The following ACAD10 variants were observed in gnomAD, a reference collection of about 807,000 sequenced individuals.
The protein encoded by ACAD10 is ACAD-10.
ACAD10 carries 112 observed loss-of-function variants against 116.8 expected under a neutral mutation model. The ratio of observed to expected loss-of-function variants is 0.96; its 90% CI spans 0.82 to 1.12. ACAD10 has a LOEUF of 1.12. Ranked by LOEUF, ACAD10 falls within the 50% of genes most tolerant of loss-of-function variation. ACAD10 has a pLI of 0.00. For synonymous variants in ACAD10, 486 were observed against 510.6 expected (o/e 0.95, Z 0.65); for missense variants, 1,259 against 1,350.2 (o/e 0.93, Z 1.06).
At chr12:111,706,778 A>AT (rs1189030640) in intron 4 of ACAD10, among the ~76,000 whole-genome samples, 1,923 of 113,378 alleles carry the variant, frequency 0.017, 34 homozygotes, top group East Asian at 0.096. Flanking sequence ...ATATATATAT[A>AT]TATATTTTTT....
chr12:111,696,111 G>A (rs1316463528), intron 2 of ACAD10, among the ~76,000 whole-genome samples: 1 of 151,552 alleles, frequency 6.6e-6, no homozygotes, highest in Non-Finnish European at 1.5e-5. Context: ...TCTTAGGCTG[G>A]AGTGCAGTGG....
Position 111,756,393 on chromosome 12 carries a change from C to T in ACAD10, c.3100C>T (p.Arg1034Ter), listed in dbSNP as rs138539307. The change falls in exon 21 of 21, where the codon CGA becomes TGA. Residue 1034 changes from arginine (R) to a stop codon, truncating the protein, a stop_gained. Transcript: ENST00000313698. LOFTEE classifies it high-confidence loss of function. ...ACTGGCTCAGTTCTTCACCTGGGCC[C>T]GAGCCCTGCGCTTTGCCGACGGCCC... ...YPLAQFFTWA[R>*]ALRFADGPDE... The T allele has an allele frequency of 1.9e-4, 299 of 1,611,924 alleles. 1 individual carries two copies. Among genetic ancestry groups the T allele is most frequent in the Non-Finnish European group, 2.5e-4 (291 of 1,179,700 alleles).
chr12:111,745,952 C>A (rs1889880825), intron 13 of ACAD10, among the ~76,000 whole-genome samples, 192 bp from the exon 14 acceptor site: 1 of 149,868 alleles, frequency 6.7e-6, no homozygotes, highest in Non-Finnish European at 1.5e-5. Flanking sequence ...TGTGATCCTC[C>A]CACTTCAGCC....
At chr12:111,736,007 G>A (rs909551126) in intron 11 of ACAD10, among the ~76,000 whole-genome samples, 1 of 150,290 alleles carries the variant, frequency 6.7e-6, no homozygotes, top group Non-Finnish European at 1.5e-5. Context: ...GGCCTCCTGA[G>A]TAGCTGGGAT....
intron 20 of ACAD10, chr12:111,756,056 T>A: frequency 8.6e-7 from 1 of 1,156,946 alleles, no homozygotes; most frequent in African/African-American, 1.6e-5. Flanking sequence ...CCAGGCTCTT[T>A]CCCATGCAGG....
chr12:111,748,549 T>C, intron 17 of ACAD10, 74 bp downstream of exon 17: 3 of 1,559,868 alleles, frequency 1.9e-6, no homozygotes, highest in East Asian at 2.3e-5. Flanking sequence ...GGGCCCCTGC[T>C]CTTGTTCAGG....
intron 10 of ACAD10, among the ~76,000 whole-genome samples, chr12:111,730,242 CA>C (rs994387149): frequency 2.0e-5 from 3 of 152,114 alleles, no homozygotes; most frequent in Admixed American, 6.6e-5. Flanking sequence ...GTGTGACAAC[CA>C]AAAATCTTCG....
chr12:111,697,416 A>G lies in ACAD10; in HGVS notation c.187+4520A>G, dbSNP rs143655206. Among the ~76,000 whole-genome samples the G allele has an allele frequency of 3.8e-3, 547 of 144,290 alleles. 2 individuals carry two copies. The highest frequency in any genetic ancestry group is 0.013 in the African/African-American group (524 of 38,826). 94.7% of individuals were successfully genotyped at this position (144,290 alleles called of 152,430 possible). On this transcript the variant is annotated intron_variant, in intron 2 of 20. Transcript: ENST00000313698. ...CATTCCATTGCCCAGGCTAAAGTGC[A>G]GTGGCGTGATCTTGGCTCACTGCAA... is the stretch of plus-strand genomic sequence containing the variant.
intron 1 of ACAD10, chr12:111,691,080 G>C (rs997912309): frequency 6.6e-6 from 1 of 152,104 alleles, no homozygotes; most frequent in Non-Finnish European, 1.5e-5. Flanking sequence ...GTCAAAAGAA[G>C]TTACAGTGAT....
chr12:111,715,429 C>A (rs1037695382), intron 6 of ACAD10: 4 of 208,634 alleles, frequency 1.9e-5, no homozygotes, highest in African/African-American at 9.1e-5. Context: ...GGGCACCTTT[C>A]ATCCTCAGGC....
chr12:111,744,505 G>A, intron 12 of ACAD10, 138 bp from the exon 13 acceptor site: 7 of 1,034,486 alleles, frequency 6.8e-6, no homozygotes, highest in South Asian at 1.6e-5. Flanking sequence ...AGCTATAGTG[G>A]CTCTTAGCAC....
At chr12:111,689,073 C>G (rs1887964856) in intron 1 of ACAD10, among the ~76,000 whole-genome samples, 1 of 151,906 alleles carries the variant, frequency 6.6e-6, no homozygotes. Flanking sequence ...CACCTGTAAT[C>G]CCAGCTACTC....
At position 111,711,260 on chromosome 12, in the gene ACAD10, G is replaced by A. The variant is rs914270763; in HGVS notation, c.691-1238G>A. Among the ~76,000 whole-genome samples, 2 of 152,184 alleles carry A rather than the reference G, an allele frequency of 1.3e-5. 1 individual carries two copies. Reference sequence around the variant, plus strand: ...CTGTCGCCCAGGCTGGAGTGCAGTGGTGCAGTCTTGGCTCACTGCAAGCTC... The same window carrying A: ...CTGTCGCCCAGGCTGGAGTGCAGTGATGCAGTCTTGGCTCACTGCAAGCTC... On this transcript the variant is annotated intron_variant, in intron 5 of 20. Coordinates refer to ENST00000313698, the MANE Select transcript of ACAD10 (RefSeq NM_025247.6).
In ACAD10 at chr12:111,744,891, T is replaced by A; in HGVS notation, c.1963T>A (p.Ser655Thr). Residue 655 changes from serine to threonine, a missense_variant, in exon 13 of 21, where the codon TCT (serine) becomes ACT (threonine). Coordinates refer to ENST00000313698, the MANE Select transcript of ACAD10 (RefSeq NM_025247.6). Reference sequence around the variant, plus strand: ...TACCTCAAGGGGAGGTCTGGTTATCTCTCCAGAGAGCCTCTCTCCACCTGT... The same window carrying A: ...TACCTCAAGGGGAGGTCTGGTTATCACTCCAGAGAGCCTCTCTCCACCTGT... Reference protein sequence around the residue: ...AHTSRGGLVISPESLSPPVRE... With the variant: ...AHTSRGGLVITPESLSPPVRE... 6.2e-7 allele frequency: 1 copy of A among 1,614,084 alleles called. No individual in the cohort carries two copies. Among genetic ancestry groups the A allele is most frequent in the South Asian group, 1.1e-5 (1 of 91,078 alleles).
chr12:111,720,832 G>A (rs1415467437), intron 7 of ACAD10, among the ~76,000 whole-genome samples: 2 of 151,302 alleles, frequency 1.3e-5, no homozygotes, highest in Admixed American at 6.6e-5. Context: ...CACCCAGGCC[G>A]GAGCACAGTG....
At chr12:111,729,995 A>G in intron 10 of ACAD10, 39 bp downstream of exon 10, 1 of 1,602,932 alleles carries the variant, frequency 6.2e-7, no homozygotes, top group Middle Eastern at 1.8e-4. Context: ...AATGACAGCA[A>G]GGATGCTCCA....
rs143237254 is a variant in ACAD10, at chr12:111,748,475, G to C, written c.2644G>C (p.Gly882Arg). ...GGTGTATGGACTGGAAGATGCACCA[G>C]GTGAGACCTCCAGGGGCGGGTCACC... ...LTVYGLEDAPGGHGEVRFEHV... is the reference protein window; with the variant it reads ...LTVYGLEDAPRGHGEVRFEHV... Residue 882 changes from glycine (G) to arginine (R), a missense_variant and splice_region_variant, in exon 17 of 21, where the codon GGT becomes CGT. By Grantham distance (125) the Gly-to-Arg change is moderately radical (BLOSUM62 -2). Transcript: ENST00000313698. 9.9e-6 allele frequency: 16 copies of C among 1,612,938 alleles called. No homozygotes were observed. In the African/African-American group the frequency reaches 1.2e-4, roughly 12 times the overall value.
chr12:111,729,159 C>G (rs1303394150), intron 9 of ACAD10, among the ~76,000 whole-genome samples: 2 of 152,214 alleles, frequency 1.3e-5, no homozygotes, highest in Non-Finnish European at 2.9e-5. Context: ...GCCTGGCAGT[C>G]TGGCTCCAGG....
chr12:111,748,438 C>G lies in ACAD10; in HGVS notation c.2607C>G (p.Ile869Met). 6.2e-7 allele frequency: 1 copy of G among 1,613,932 alleles called. No homozygotes were observed. The highest frequency in any genetic ancestry group is 8.5e-7 in the Non-Finnish European group (1 of 1,180,028). Residue 869 changes from isoleucine (I) to methionine (M), a missense_variant, in exon 17 of 21, where the codon ATC (isoleucine) becomes ATG (methionine). Coordinates refer to ENST00000313698, the MANE Select transcript of ACAD10 (RefSeq NM_025247.6). The stretch of plus-strand genomic sequence containing the variant: ...TGGATACCCCAGGGATAAAAATCAT[C>G]CGGCCTCTGACGGTGTATGGACTGG... Reference protein sequence around the residue: ...VPMDTPGIKIIRPLTVYGLED... With the variant: ...VPMDTPGIKIMRPLTVYGLED...
Sources: allele counts gnomAD v4.1 joint callset (sites outside exome capture counted in the v4.1 genomes callset), GRCh38; gene constraint gnomAD v4.1.1; transcripts MANE v1.5; gene names NCBI Gene and HGNC (gene_info 2026-07-23, HGNC 2026-07-21).